The following DENND2A variants were observed in gnomAD, a reference collection of about 807,000 sequenced individuals.
DENND2A encodes the protein DENN domain-containing protein 2A.
DENND2A carries 53 observed loss-of-function variants against 105.3 expected under a neutral mutation model. That is an observed-to-expected ratio of 0.50 (90% confidence interval 0.40 to 0.63). The LOEUF is 0.63. DENND2A is among the 30% of genes least tolerant of loss of function. The pLI, the probability that DENND2A is intolerant of heterozygous loss-of-function variation, is 0.00. For synonymous variants in DENND2A, 522 were observed against 508.4 expected, an observed-to-expected ratio of 1.03 and a Z score of -0.36; for missense variants, 1,138 against 1,279.6, an observed-to-expected ratio of 0.89 and a Z score of 1.69.
At chr7:140,565,547 T>C (rs1168151481) in intron 9 of DENND2A, among the ~76,000 whole-genome samples, 1 of 152,138 alleles carries the variant, frequency 6.6e-6, no homozygotes, top group Admixed American at 6.5e-5. Context: ...ATTTATAAAT[T>C]ATTGCCATGT....
At chr7:140,555,996 AT>A (rs1272120773) in intron 11 of DENND2A, among the ~76,000 whole-genome samples, 7 of 152,146 alleles carry the variant, frequency 4.6e-5, no homozygotes, top group African/African-American at 1.7e-4. Context: ...ACAAAAAAAA[AT>A]CAATCTCAAT....
At chr7:140,530,936 T>A (rs1023766556) in intron 14 of DENND2A, among the ~76,000 whole-genome samples, 1 of 152,184 alleles carries the variant, frequency 6.6e-6, no homozygotes, top group Non-Finnish European at 1.5e-5. Flanking sequence ...TTCACCACGT[T>A]GGTCAGGCTG....
intron 12 of DENND2A, 61 bp from the exon 13 acceptor site, chr7:140,547,000 G>A: frequency 6.4e-7 from 1 of 1,565,336 alleles, no homozygotes; most frequent in Middle Eastern, 1.7e-4. Context: ...GTGGAGCTCA[G>A]TTCTAGGTGA....
intron 1 of DENND2A, among the ~76,000 whole-genome samples, chr7:140,633,363 C>T (rs938274452): frequency 2.0e-5 from 3 of 151,858 alleles, no homozygotes; most frequent in African/African-American, 7.3e-5. Flanking sequence ...GGGGTTTGGC[C>T]AGGCTGGTCT....
At chr7:140,551,101 G>T (rs527850081) in intron 12 of DENND2A, among the ~76,000 whole-genome samples, 2 of 151,410 alleles carry the variant, frequency 1.3e-5, no homozygotes, top group East Asian at 4.0e-4. Flanking sequence ...AAGAGTTCGA[G>T]ACCAGCCTGG....
intron 3 of DENND2A, among the ~76,000 whole-genome samples, chr7:140,588,766 C>CTTTTTTTTTT (rs34456581): frequency 1.5e-5 from 2 of 136,846 alleles, no homozygotes. Flanking sequence ...TTTTTTGGCA[C>CTTTTTTTTTT]TTTTTTTTTT....
At chr7:140,589,401 A>G (rs1354555040) in intron 3 of DENND2A, among the ~76,000 whole-genome samples, 1 of 152,158 alleles carries the variant, frequency 6.6e-6, no homozygotes, top group Admixed American at 6.5e-5. Context: ...GTAGTAAGTA[A>G]TCTATGCTAT....
Position 140,602,171 on chromosome 7 carries a change from G to A in DENND2A, c.227C>T (p.Pro76Leu), listed in dbSNP as rs142443879. The change falls in exon 3 of 20, where the codon CCG becomes CTG. Residue 76 changes from proline (P) to leucine (L), a missense_variant. Physicochemically the swap from Pro to Leu is moderately conservative, Grantham distance 98. Coordinates refer to ENST00000496613, the MANE Select transcript of DENND2A (RefSeq NM_015689.5). ...ACTCCTCCTCTCCACCGTAGAGGAC[G>A]GCAGATAATCCTCCTGTCCGTCTGC... is the stretch of plus-strand genomic sequence containing the variant. Reference protein sequence around the residue: ...RRADGQEDYLPSSTVERRSSD... With the variant: ...RRADGQEDYLLSSTVERRSSD... 8.1e-5 allele frequency: 130 copies of A among 1,614,130 alleles called. No individual in the cohort carries two copies. In the African/African-American group the frequency reaches 1.6e-3, roughly 20 times the overall value.
intron 1 of DENND2A, among the ~76,000 whole-genome samples, chr7:140,616,915 T>G (rs1218829411): frequency 6.6e-6 from 1 of 152,202 alleles, no homozygotes; most frequent in Non-Finnish European, 1.5e-5. Context: ...TGGAGTGCAG[T>G]GGTACCATCT....
chr7:140,586,242 G>A lies in DENND2A; in HGVS notation c.1124-532C>T, dbSNP rs113656447. On this transcript the variant is annotated intron_variant, in intron 4 of 19. Coordinates refer to ENST00000496613, the MANE Select transcript of DENND2A (RefSeq NM_015689.5). The stretch of plus-strand genomic sequence containing the variant: ...GGTAAGAAATGGAGGAAGGGGGCTG[G>A]GTGCGGTGGCTCACACCTGTAATCC... Among the ~76,000 whole-genome samples, 93 of 152,052 alleles carry A rather than the reference G, an allele frequency of 6.1e-4. 3 individuals carry two copies. Among genetic ancestry groups the A allele is most frequent in the African/African-American group, 2.2e-3 (91 of 41,492 alleles).
chr7:140,614,770 C>G (rs539274124), intron 1 of DENND2A, among the ~76,000 whole-genome samples: 1 of 152,330 alleles, frequency 6.6e-6, no homozygotes, highest in South Asian at 2.1e-4. Flanking sequence ...AATAAAAGCA[C>G]ACAATCAATG....
chr7:140,555,242 T>C (rs949567413), intron 12 of DENND2A, among the ~76,000 whole-genome samples: 8 of 151,906 alleles, frequency 5.3e-5, no homozygotes, highest in Non-Finnish European at 8.8e-5. Context: ...CAAGTGATTC[T>C]CCTGCCTCAG....
At chr7:140,534,620 G>A (rs1796396654) in intron 14 of DENND2A, among the ~76,000 whole-genome samples, 1 of 152,208 alleles carries the variant, frequency 6.6e-6, no homozygotes, top group Non-Finnish European at 1.5e-5. Context: ...GGGCACTCCT[G>A]GGACTGGTGG....
intron 9 of DENND2A, among the ~76,000 whole-genome samples, chr7:140,562,184 G>A (rs955082454): frequency 2.7e-5 from 4 of 149,988 alleles, no homozygotes; most frequent in African/African-American, 4.9e-5. Context: ...CACCGCGCCC[G>A]GCCCGAGCTC....
rs565889283 is a variant in DENND2A at position 140,628,012 on chromosome 7, G to A, written c.-248+12492C>T. ...TCACCATGTTGGCCAGGCTTGTCTCGAACTTGACCTCAAGTGATCTGACAG... is the reference window on the plus strand; with the variant it reads ...TCACCATGTTGGCCAGGCTTGTCTCAAACTTGACCTCAAGTGATCTGACAG... On this transcript the variant is annotated intron_variant, in intron 1 of 19. Coordinates refer to ENST00000496613, the MANE Select transcript of DENND2A (RefSeq NM_015689.5). Among the ~76,000 whole-genome samples the A allele has an allele frequency of 8.6e-5, 13 of 151,974 alleles. No homozygotes were observed. In the East Asian group the frequency reaches 1.4e-3, roughly 16 times the overall value.
chr7:140,602,197 T>A lies in DENND2A; in HGVS notation c.201A>T (p.Arg67Ser). ...GCAGATAATCCTCCTGTCCGTCTGC[T>A]CTCCTGCTGGGTGCAGGAGTGGGCA... ...KEVPTPAPSRRADGQEDYLPS... is the reference protein window; with the variant it reads ...KEVPTPAPSRSADGQEDYLPS... Residue 67 changes from arginine to serine, a missense_variant, in exon 3 of 20, where the codon AGA becomes AGT. This residue lies in a region of DENND2A where 511 missense variants were observed against 499.9 expected (regional missense o/e 1.02). Transcript: ENST00000496613. 6.2e-7 allele frequency: 1 copy of A among 1,614,160 alleles called. No homozygotes were observed. Among genetic ancestry groups the A allele is most frequent in the African/African-American group, 1.3e-5 (1 of 75,048 alleles).
chr7:140,545,779 G>A (rs1038595584), intron 13 of DENND2A, among the ~76,000 whole-genome samples: 3 of 152,134 alleles, frequency 2.0e-5, no homozygotes, highest in African/African-American at 7.2e-5. Flanking sequence ...CTCCCGGTGA[G>A]CAGAGAGTGG....
intron 3 of DENND2A, among the ~76,000 whole-genome samples, chr7:140,588,915 G>C (rs980035744): frequency 6.6e-6 from 1 of 151,542 alleles, no homozygotes; most frequent in African/African-American, 2.4e-5. Context: ...GCTAATTTTT[G>C]TATTTTTAGT....
intron 3 of DENND2A, among the ~76,000 whole-genome samples, chr7:140,589,131 A>T (rs935706618): frequency 1.3e-5 from 2 of 152,180 alleles, no homozygotes; most frequent in Admixed American, 6.5e-5. Flanking sequence ...TGGTGGAATT[A>T]GGGTCTGACC....
Sources: gnomAD v4.1 joint callset for allele counts (sites outside exome capture counted in the v4.1 genomes callset) on GRCh38, gnomAD v4.1.1 for gene constraint, gnomAD v4.1.1 regional missense constraint, MANE v1.5 for transcripts, NCBI Gene and HGNC (gene_info 2026-07-23, HGNC 2026-07-21) for gene names.